Variants in ABCD3 observed in about 807,000 individuals in gnomAD.
The protein encoded by ABCD3 is ATP binding cassette subfamily D member 3.
A neutral mutation model predicts 105.5 loss-of-function variants in ABCD3; 41 were observed. That is an observed-to-expected ratio of 0.39 (90% CI 0.30 to 0.50). The LOEUF (loss-of-function observed/expected upper bound fraction) is 0.50. Ranked by LOEUF, ABCD3 falls within the 20% of genes least tolerant of loss-of-function variation. The probability of loss-of-function intolerance (pLI) is 0.84; values close to 1 mark genes in which losing one functional copy is unlikely to be tolerated. For synonymous variants in ABCD3, 258 were observed against 269.0 expected (o/e 0.96, Z 0.40); for missense variants, 622 against 806.3 (o/e 0.77, Z 2.77).
chr1:94,478,411 A>C (rs1229455771), intron 8 of ABCD3, 96 bp downstream of exon 8: 11 of 1,151,884 alleles, frequency 9.5e-6, no homozygotes, highest in South Asian at 8.0e-5. Context: ...ATTTTTGTAG[A>C]TCTCAAAGAA....
intron 1 of ABCD3, among the ~76,000 whole-genome samples, chr1:94,431,138 A>T (rs959342559): frequency 1.3e-5 from 2 of 152,246 alleles, no homozygotes; most frequent in African/African-American, 4.8e-5. Context: ...ATCAGCTTGC[A>T]TGAAAGTCAA....
intron 1 of ABCD3, among the ~76,000 whole-genome samples, chr1:94,449,939 A>G (rs1425065977): frequency 6.6e-6 from 1 of 152,226 alleles, no homozygotes; most frequent in Admixed American, 6.5e-5. Flanking sequence ...GAAACTATTA[A>G]TGGCTGTTAA....
the ABCD3 span, among the ~76,000 whole-genome samples, chr1:94,390,208 G>A: frequency 6.6e-6 from 1 of 152,122 alleles, no homozygotes; most frequent in Admixed American, 6.5e-5. Flanking sequence ...TCATTACCAT[G>A]GTCCATAGAG....
chr1:94,395,486 A>T, the ABCD3 span, among the ~76,000 whole-genome samples: 1 of 152,324 alleles, frequency 6.6e-6, no homozygotes, highest in Non-Finnish European at 1.5e-5. Flanking sequence ...CCTTTGGCAT[A>T]GGAATGCATA....
chr1:94,422,147 A>C (rs1050091179), intron 1 of ABCD3, among the ~76,000 whole-genome samples: 2 of 152,092 alleles, frequency 1.3e-5, no homozygotes, highest in African/African-American at 2.4e-5. Flanking sequence ...AAACTGATGT[A>C]AGTGTCCTCT....
At chr1:94,403,576 T>C in the ABCD3 span, among the ~76,000 whole-genome samples, 1 of 152,218 alleles carries the variant, frequency 6.6e-6, no homozygotes, top group Admixed American at 6.5e-5. Flanking sequence ...TTACCTGTAA[T>C]CAAGAGACCT....
intron 1 of ABCD3, 107 bp from the exon 2 acceptor site, chr1:94,458,500 G>A: frequency 9.9e-7 from 1 of 1,014,062 alleles, no homozygotes; most frequent in East Asian, 2.4e-5. Flanking sequence ...ATGTGAAAAA[G>A]AAGAAACGCT....
At chr1:94,434,836 GCCCTT>G (rs1037632030) in intron 1 of ABCD3, among the ~76,000 whole-genome samples, 2 of 152,108 alleles carry the variant, frequency 1.3e-5, no homozygotes, top group African/African-American at 4.8e-5. Flanking sequence ...CTTCCACATG[GCCCTT>G]CCCAGTCACA....
At chr1:94,510,615 G>A (rs901172320) in intron 21 of ABCD3, among the ~76,000 whole-genome samples, 4 of 152,134 alleles carry the variant, frequency 2.6e-5, no homozygotes, top group African/African-American at 4.8e-5. Flanking sequence ...TTATTAATGT[G>A]TGGGAGTCTA....
chr1:94,469,258 C>T (rs775489163), intron 4 of ABCD3, among the ~76,000 whole-genome samples: 17 of 152,024 alleles, frequency 1.1e-4, no homozygotes, highest in Non-Finnish European at 2.4e-4. Flanking sequence ...GTGTTCATTT[C>T]CTACTTTGGA....
At chr1:94,484,557 G>A (rs540401838) in intron 10 of ABCD3, among the ~76,000 whole-genome samples, 9 of 152,274 alleles carry the variant, frequency 5.9e-5, no homozygotes, top group African/African-American at 2.2e-4. Context: ...AACACTGCAT[G>A]TTCTCACTCA....
At chr1:94,472,739 C>A (rs1437828821) in intron 4 of ABCD3, among the ~76,000 whole-genome samples, 2 of 152,160 alleles carry the variant, frequency 1.3e-5, no homozygotes, top group Admixed American at 6.5e-5. Context: ...GAAATTATTT[C>A]TCTAGTCATA....
Position 94,458,647 on chromosome 1 carries a change from A to G in ABCD3, c.147+4A>G. The G allele has an allele frequency of 6.2e-7, 1 of 1,611,012 alleles. No homozygotes were observed. The highest frequency in any genetic ancestry group is 8.5e-7 in the Non-Finnish European group (1 of 1,177,692). On this transcript the variant is annotated splice_donor_region_variant and intron_variant, in intron 2 of 22. Transcript: ENST00000370214. Reference sequence around the variant, plus strand: ...ACCACCATTACAGAACAATGAGGTAAAAGTTTAAATCATCTTCTTTTTGGG... The same window carrying G: ...ACCACCATTACAGAACAATGAGGTAGAAGTTTAAATCATCTTCTTTTTGGG...
intron 1 of ABCD3, among the ~76,000 whole-genome samples, chr1:94,438,745 A>G (rs951056478): frequency 1.3e-5 from 2 of 152,220 alleles, no homozygotes; most frequent in African/African-American, 4.8e-5. Flanking sequence ...TTTTTTAGCA[A>G]TAAAGTATTT....
chr1:94,402,289 A>G, the ABCD3 span, among the ~76,000 whole-genome samples: 523 of 152,326 alleles, frequency 3.4e-3, no homozygotes, highest in African/African-American at 0.012. Context: ...TCTATTTTCT[A>G]AACAAATCTT....
intron 16 of ABCD3, among the ~76,000 whole-genome samples, chr1:94,494,987 G>A (rs544975662): frequency 2.0e-5 from 3 of 152,222 alleles, no homozygotes; most frequent in African/African-American, 7.2e-5. Context: ...CGGCTGAGGT[G>A]GGAGGATCGC....
At chr1:94,418,663 G>C in intron 1 of ABCD3, 75 bp downstream of exon 1, 1 of 1,457,478 alleles carries the variant, frequency 6.9e-7, no homozygotes, top group South Asian at 1.2e-5. Flanking sequence ...TCCCCACCCG[G>C]CCGACAGGTC....
At chr1:94,399,518 T>C in the ABCD3 span, among the ~76,000 whole-genome samples, 1 of 152,170 alleles carries the variant, frequency 6.6e-6, no homozygotes, top group South Asian at 2.1e-4. Flanking sequence ...GACCCTTTTA[T>C]TTCACACATG....
chr1:94,422,884 TA>T (rs1385557594), intron 1 of ABCD3, among the ~76,000 whole-genome samples: 1 of 152,200 alleles, frequency 6.6e-6, no homozygotes. Flanking sequence ...TTATTATCTT[TA>T]AAAAACAGAA....
Sources: gnomAD v4.1 joint callset for allele counts (sites outside exome capture counted in the v4.1 genomes callset) on GRCh38, gnomAD v4.1.1 for gene constraint, MANE v1.5 for transcripts, NCBI Gene and HGNC (gene_info 2026-07-23, HGNC 2026-07-21) for gene names.